NECAB1: variants seen among roughly 807,000 people sequenced by gnomAD.
The protein encoded by NECAB1 is N-terminal EF-hand calcium-binding protein 1.
NECAB1 carries 29 observed loss-of-function variants against 57.5 expected under a neutral mutation model. The observed-to-expected ratio is 0.50, with a 90% confidence interval of 0.38 to 0.69. NECAB1 has a LOEUF of 0.69. Ranked by LOEUF, NECAB1 falls within the 30% of genes least tolerant of loss-of-function variation. NECAB1 has a pLI of 0.00. For missense variants in NECAB1, 372 were observed against 413.8 expected (o/e 0.90, Z 0.88); for synonymous variants, 142 against 147.7 (o/e 0.96, Z 0.28).
chr8:90,927,484 C>A (rs1444844295), intron 7 of NECAB1, among the ~76,000 whole-genome samples: 1 of 151,962 alleles, frequency 6.6e-6, no homozygotes, highest in African/African-American at 2.4e-5. Context: ...AAGCTGCAAT[C>A]AGTATATACA....
chr8:90,896,736 C>T (rs1809351776), intron 5 of NECAB1, among the ~76,000 whole-genome samples: 1 of 152,154 alleles, frequency 6.6e-6, no homozygotes, highest in African/African-American at 2.4e-5. Flanking sequence ...TCTACTCCAC[C>T]CTGACTCATC....
chr8:90,815,553 C>A (rs1407713389), intron 2 of NECAB1, among the ~76,000 whole-genome samples: 1 of 151,942 alleles, frequency 6.6e-6, no homozygotes, highest in East Asian at 1.9e-4. Flanking sequence ...TCACCCCTCC[C>A]TCCAACCTCC....
chr8:90,850,555 C>T (rs985499650), intron 3 of NECAB1, among the ~76,000 whole-genome samples: 1 of 151,764 alleles, frequency 6.6e-6, no homozygotes, highest in Non-Finnish European at 1.5e-5. Flanking sequence ...ATAAATACAG[C>T]GAGCTGATAA....
At chr8:90,831,276 C>A (rs2202392) in intron 3 of NECAB1, among the ~76,000 whole-genome samples, 17,970 of 152,058 alleles carry the variant, frequency 0.12, 1,743 homozygotes, top group African/African-American at 0.27. Context: ...TATCCCTGGA[C>A]AAATCAGCAT....
intron 5 of NECAB1, among the ~76,000 whole-genome samples, chr8:90,883,115 T>C (rs1808883038): frequency 6.6e-6 from 1 of 152,158 alleles, no homozygotes; most frequent in South Asian, 2.1e-4. Flanking sequence ...TTTTGTGGGA[T>C]TTAAATTGAG....
chr8:90,813,712 A>G (rs1046305193), intron 2 of NECAB1, among the ~76,000 whole-genome samples: 2 of 152,060 alleles, frequency 1.3e-5, no homozygotes. Context: ...TTTTTTTTGT[A>G]GAGACAGGGT....
intron 9 of NECAB1, among the ~76,000 whole-genome samples, chr8:90,934,954 C>T (rs1347755322): frequency 2.6e-5 from 4 of 152,082 alleles, no homozygotes; most frequent in African/African-American, 9.7e-5. Context: ...TAATTAAAAG[C>T]AGTACATACC....
intron 1 of NECAB1, among the ~76,000 whole-genome samples, chr8:90,793,522 C>T (rs1466309706): frequency 6.6e-6 from 1 of 152,154 alleles, no homozygotes; most frequent in East Asian, 1.9e-4. Context: ...CATGGCTTAA[C>T]GGGCTGATCT....
chr8:90,909,559 A>G (rs1809777089), intron 5 of NECAB1, among the ~76,000 whole-genome samples: 1 of 151,964 alleles, frequency 6.6e-6, no homozygotes, highest in South Asian at 2.1e-4. Flanking sequence ...TTAAAAGACA[A>G]TTTTTCCTGA....
rs577856150 is a variant in NECAB1 at position 90,909,617 on chromosome 8, G to GT, written c.358-7868dup. On this transcript the variant is annotated intron_variant, in intron 5 of 12. Coordinates refer to ENST00000417640, the MANE Select transcript of NECAB1 (RefSeq NM_022351.5). ...TAAATATCTTAAAATATGTTACTACGTTTTTTTCTGGAATAAAAGTGTTGG... is the reference window on the plus strand; with the variant it reads ...TAAATATCTTAAAATATGTTACTACGTTTTTTTTCTGGAATAAAAGTGTTGG... Among the ~76,000 whole-genome samples, 682 of 152,018 alleles carry GT rather than the reference G, an allele frequency of 4.5e-3. 1 individual carries two copies. Among genetic ancestry groups the GT allele is most frequent in the Admixed American group, 9.7e-3 (147 of 15,230 alleles).
intron 6 of NECAB1, among the ~76,000 whole-genome samples, chr8:90,922,949 A>T (rs2130151964): frequency 6.6e-6 from 1 of 152,356 alleles, no homozygotes; most frequent in Non-Finnish European, 1.5e-5. Flanking sequence ...TGCAAAAATA[A>T]GAATAGAAGA....
intron 5 of NECAB1, among the ~76,000 whole-genome samples, chr8:90,887,017 A>C (rs1439052631): frequency 6.6e-6 from 1 of 152,008 alleles, no homozygotes; most frequent in African/African-American, 2.4e-5. Flanking sequence ...TCCTAACATA[A>C]TGTTGGTGGT....
intron 5 of NECAB1, among the ~76,000 whole-genome samples, chr8:90,883,477 T>C (rs2129891365): frequency 6.6e-6 from 1 of 152,292 alleles, no homozygotes; most frequent in South Asian, 2.1e-4. Flanking sequence ...AAGATCTGAT[T>C]GTTCTAGGGT....
chr8:90,951,513 T>C (rs1448071230), intron 12 of NECAB1, among the ~76,000 whole-genome samples: 12 of 152,178 alleles, frequency 7.9e-5, no homozygotes, highest in Admixed American at 6.6e-4. Flanking sequence ...TTTTATCATA[T>C]TGTAATTTAG....
chr8:90,838,045 T>C (rs151097966), intron 3 of NECAB1, among the ~76,000 whole-genome samples: 30 of 152,338 alleles, frequency 2.0e-4, no homozygotes, highest in Non-Finnish European at 3.5e-4. Context: ...GTCTTTAAAA[T>C]AGAGCATAGT....
intron 11 of NECAB1, among the ~76,000 whole-genome samples, chr8:90,950,090 TG>T (rs956051373): frequency 5.3e-5 from 8 of 152,304 alleles, no homozygotes; most frequent in African/African-American, 1.9e-4. Flanking sequence ...CAAATACTTT[TG>T]GTAATGATCC....
intron 5 of NECAB1, among the ~76,000 whole-genome samples, chr8:90,910,953 A>T (rs1809815663): frequency 6.6e-6 from 1 of 151,870 alleles, no homozygotes; most frequent in Non-Finnish European, 1.5e-5. Flanking sequence ...GTCCTTACCC[A>T]CCTGCAATTG....
chr8:90,937,572 T>C (rs2130224841), intron 9 of NECAB1, among the ~76,000 whole-genome samples: 1 of 152,312 alleles, frequency 6.6e-6, no homozygotes, highest in Middle Eastern at 3.4e-3. Flanking sequence ...TTCCAAATGA[T>C]TTATAACAAG....
intron 3 of NECAB1, among the ~76,000 whole-genome samples, chr8:90,857,232 G>A (rs936022197): frequency 1.3e-5 from 2 of 152,072 alleles, no homozygotes; most frequent in Non-Finnish European, 2.9e-5. Context: ...TGTTTTTACT[G>A]TATGTTTGGG....
Sources: allele counts gnomAD v4.1 joint callset (sites outside exome capture counted in the v4.1 genomes callset), GRCh38; gene constraint gnomAD v4.1.1; transcripts MANE v1.5; gene names NCBI Gene and HGNC (gene_info 2026-07-23, HGNC 2026-07-21).